Variants in CEP152 observed in about 807,000 individuals in gnomAD.
The protein encoded by CEP152 is centrosomal protein of 152 kDa.
Under a neutral mutation model 188.9 loss-of-function variants are expected in CEP152, and 132 were observed. That is an observed-to-expected ratio of 0.70 (90% CI 0.61 to 0.81). The LOEUF is 0.81. Ranked by LOEUF, CEP152 falls within the 30% of genes least tolerant of loss-of-function variation. The probability of loss-of-function intolerance (pLI) is 0.00; values close to 1 mark genes in which losing one functional copy is unlikely to be tolerated. For synonymous variants in CEP152, 649 were observed against 666.6 expected, an observed-to-expected ratio of 0.97 and a Z score of 0.41; for missense variants, 1,914 against 1,969.8, an observed-to-expected ratio of 0.97 and a Z score of 0.54.
intron 22 of CEP152, among the ~76,000 whole-genome samples, chr15:48,747,727 T>C (rs1284821974): frequency 6.6e-6 from 1 of 151,978 alleles, no homozygotes; most frequent in African/African-American, 2.4e-5. Flanking sequence ...AAATGTAGAG[T>C]ATAGCGTATA....
chr15:48,770,529 C>T (rs1383517068), intron 13 of CEP152, among the ~76,000 whole-genome samples: 1 of 152,152 alleles, frequency 6.6e-6, no homozygotes, highest in Non-Finnish European at 1.5e-5. Flanking sequence ...AAAGAAAGCA[C>T]CAAGATATCT....
In CEP152 at chr15:48,791,367, T is replaced by A. The variant is rs1896978360; in HGVS notation, c.842A>T (p.Asp281Val). The A allele has an allele frequency of 6.2e-7, 1 of 1,611,894 alleles. No homozygotes were observed. The highest frequency in any genetic ancestry group is 8.5e-7 in the Non-Finnish European group (1 of 1,179,350). The change falls in exon 8 of 27, where the codon GAT becomes GTT. Residue 281 changes from aspartate (D) to valine (V), a missense_variant. Physicochemically the swap from Asp to Val is radical, Grantham distance 152. Transcript: ENST00000380950. The stretch of plus-strand genomic sequence containing the variant: ...TTCTCGAAGGCTGAGAGTCAAACCA[T>A]CCTTTTCATCTACGGTATTAAAAAT... ...HQLVIIKDEK[D>V]GLTLSLRESQ...
At chr15:48,761,936 A>ATCGAAAAAT (rs1403773739) in intron 18 of CEP152, among the ~76,000 whole-genome samples, 2 of 152,212 alleles carry the variant, frequency 1.3e-5, no homozygotes, top group Non-Finnish European at 2.9e-5. Context: ...GGAATGATAG[A>ATCGAAAAAT]TAAAGTTCCA....
chr15:48,786,606 C>T (rs114455175), intron 9 of CEP152, among the ~76,000 whole-genome samples: 1,927 of 152,156 alleles, frequency 0.013, 51 homozygotes, highest in African/African-American at 0.043. Flanking sequence ...TTCTGTTAGG[C>T]GCTTTGGAAT....
intron 2 of CEP152, among the ~76,000 whole-genome samples, chr15:48,799,555 T>G (rs902945268): frequency 2.0e-5 from 3 of 152,192 alleles, no homozygotes; most frequent in Non-Finnish European, 4.4e-5. Flanking sequence ...TGAAAAGTTA[T>G]CTTCATCTTT....
At chr15:48,808,723 C>T (rs969681889) in intron 1 of CEP152, among the ~76,000 whole-genome samples, 2 of 151,904 alleles carry the variant, frequency 1.3e-5, no homozygotes, top group African/African-American at 4.8e-5. Flanking sequence ...GTGAAAATAT[C>T]AACTGCTAAA....
chr15:48,776,268 A>T (rs1895894861), intron 12 of CEP152, among the ~76,000 whole-genome samples: 1 of 152,196 alleles, frequency 6.6e-6, no homozygotes, highest in Non-Finnish European at 1.5e-5. Flanking sequence ...ATAAAACTAT[A>T]GAAAGTACTA....
At chr15:48,788,141 C>T (rs916817736) in intron 9 of CEP152, among the ~76,000 whole-genome samples, 1 of 152,094 alleles carries the variant, frequency 6.6e-6, no homozygotes, top group Admixed American at 6.5e-5. Flanking sequence ...TCTAGCCAGC[C>T]GCTGGCAGAC....
intron 6 of CEP152, among the ~76,000 whole-genome samples, chr15:48,795,005 C>G (rs1230216170): frequency 1.3e-5 from 2 of 152,146 alleles, no homozygotes; most frequent in African/African-American, 4.8e-5. Flanking sequence ...GCCAGAATAT[C>G]CAGTATGACC....
intron 19 of CEP152, among the ~76,000 whole-genome samples, chr15:48,756,876 C>T (rs1894318452): frequency 6.6e-6 from 1 of 152,064 alleles, no homozygotes; most frequent in African/African-American, 2.4e-5. Context: ...TTTATCTGTG[C>T]CCCCAACAAA....
chr15:48,773,250 C>T (rs2140793673), intron 12 of CEP152: 1 of 155,340 alleles, frequency 6.4e-6, no homozygotes, highest in African/African-American at 2.4e-5. Context: ...ATTAACAAGA[C>T]TAACCTTTAT....
chr15:48,756,734 A>AGTTT (rs1254197123), intron 19 of CEP152, among the ~76,000 whole-genome samples, 181 bp from the exon 20 acceptor site: 9 of 152,176 alleles, frequency 5.9e-5, no homozygotes, highest in African/African-American at 2.2e-4. Flanking sequence ...AATTGGTCAA[A>AGTTT]ATATATACAT....
intron 25 of CEP152, 99 bp from the exon 26 acceptor site, chr15:48,741,803 T>C: frequency 1.2e-6 from 2 of 1,609,592 alleles, no homozygotes; most frequent in South Asian, 2.2e-5. Context: ...TGCCAACATT[T>C]AGGGTAGCAC....
At chr15:48,736,501 T>G (rs1038367949), downstream of CEP152, among the ~76,000 whole-genome samples, 1 of 152,214 alleles carries the variant, frequency 6.6e-6, no homozygotes, top group African/African-American at 2.4e-5. Context: ...CCTTTTGTTC[T>G]GCCATGACCT....
intron 12 of CEP152, among the ~76,000 whole-genome samples, chr15:48,777,566 A>T (rs1174791822): frequency 6.6e-6 from 1 of 151,706 alleles, no homozygotes; most frequent in Non-Finnish European, 1.5e-5. Context: ...ATGTTATAAA[A>T]GGAGCTTTTG....
At chr15:48,755,409 T>G (rs1033913373) in intron 20 of CEP152, among the ~76,000 whole-genome samples, 1 of 152,154 alleles carries the variant, frequency 6.6e-6, no homozygotes, top group African/African-American at 2.4e-5. Context: ...ACTCTTATTA[T>G]GCATATTTCA....
chr15:48,775,447 T>C (rs1346483803), intron 12 of CEP152, among the ~76,000 whole-genome samples: 1 of 152,044 alleles, frequency 6.6e-6, no homozygotes, highest in Non-Finnish European at 1.5e-5. Context: ...CTAATTCAAA[T>C]AACAATGAAT....
rs1051897125 is a variant in CEP152 at position 48,797,344 on chromosome 15, G to A, written c.497C>T (p.Thr166Ile). 2 of 1,613,916 alleles carry A rather than the reference G, an allele frequency of 1.2e-6. No individual in the cohort carries two copies. The highest frequency in any genetic ancestry group is 1.7e-6 in the Non-Finnish European group (2 of 1,179,984). ...AGGATCTGAAAATTTAATTACATTG[G>A]TTGCTTGGTTATTAAATTCCTGCTT... is the stretch of plus-strand genomic sequence containing the variant. ...GQKQEFNNQA[T>I]NVIKFSDPQW... The change falls in exon 5 of 27, where the codon ACC becomes ATC. Residue 166 changes from threonine to isoleucine, a missense_variant. Coordinates refer to ENST00000380950, the MANE Select transcript of CEP152 (RefSeq NM_001194998.2).
intron 1 of CEP152, 88 bp downstream of exon 1, chr15:48,810,873 G>GC (rs541342893): frequency 1.9e-3 from 289 of 152,714 alleles, no homozygotes; most frequent in Middle Eastern, 6.8e-3. Flanking sequence ...GGGCAGGTCA[G>GC]CCCCCCCAGG....
Sources: allele counts gnomAD v4.1 joint callset (sites outside exome capture counted in the v4.1 genomes callset), GRCh38; gene constraint gnomAD v4.1.1; transcripts MANE v1.5; gene names NCBI Gene and HGNC (gene_info 2026-07-23, HGNC 2026-07-21).